PARD3B: variants seen among roughly 807,000 people sequenced by gnomAD.
PARD3B encodes partitioning defective 3 homolog B.
Under a neutral mutation model 130.2 loss-of-function variants are expected in PARD3B, and 103 were observed. The observed-to-expected ratio is 0.79, with a 90% CI of 0.67 to 0.93. PARD3B has a LOEUF of 0.93. PARD3B is among the 40% of genes least tolerant of loss of function. The pLI is 0.00. For missense variants in PARD3B, 1,609 were observed against 1,499.2 expected, an observed-to-expected ratio of 1.07 and a Z score of -1.21; for synonymous variants, 583 against 553.2, an observed-to-expected ratio of 1.05 and a Z score of -0.76.
intron 1 of PARD3B, among the ~76,000 whole-genome samples, chr2:204,627,358 A>C (rs182451736): frequency 4.6e-5 from 7 of 152,308 alleles, no homozygotes; most frequent in Admixed American, 2.0e-4. Context: ...GTTACAGTTC[A>C]ACATTATTTA....
At chr2:205,331,195 C>T (rs910322024) in intron 18 of PARD3B, among the ~76,000 whole-genome samples, 2 of 152,026 alleles carry the variant, frequency 1.3e-5, no homozygotes, top group Admixed American at 1.3e-4. Context: ...CACATACAAA[C>T]ACACACACAG....
intron 15 of PARD3B, among the ~76,000 whole-genome samples, chr2:205,225,408 G>C (rs938522111): frequency 6.6e-6 from 1 of 152,054 alleles, no homozygotes; most frequent in Admixed American, 6.6e-5. Flanking sequence ...TATGTCTTGA[G>C]AAATATCTGT....
intron 2 of PARD3B, among the ~76,000 whole-genome samples, chr2:204,805,462 T>G (rs893259928): frequency 1.3e-5 from 2 of 152,104 alleles, no homozygotes; most frequent in African/African-American, 2.4e-5. Context: ...ACCTGGTGGC[T>G]TCTGTACTGA....
chr2:205,596,137 T>C (rs2054562044), intron 22 of PARD3B, among the ~76,000 whole-genome samples: 1 of 152,126 alleles, frequency 6.6e-6, no homozygotes, highest in African/African-American at 2.4e-5. Flanking sequence ...GATTTGAATG[T>C]AAAAGGTTTG....
At chr2:205,174,011 G>A (rs1363923011) in intron 12 of PARD3B, among the ~76,000 whole-genome samples, 1 of 152,174 alleles carries the variant, frequency 6.6e-6, no homozygotes, top group African/African-American at 2.4e-5. Context: ...AGAAAAAACT[G>A]CTGTAGCATA....
intron 2 of PARD3B, among the ~76,000 whole-genome samples, chr2:204,705,136 A>G (rs2125285153): frequency 6.6e-6 from 1 of 152,336 alleles, no homozygotes; most frequent in East Asian, 1.9e-4. Flanking sequence ...ACTGACACTC[A>G]GCATCTTATT....
At chr2:204,556,809 AT>A (rs1249008029) in intron 1 of PARD3B, among the ~76,000 whole-genome samples, 1 of 152,206 alleles carries the variant, frequency 6.6e-6, no homozygotes, top group Non-Finnish European at 1.5e-5. Flanking sequence ...AAATTGGGGA[AT>A]AAATTACCTA....
At chr2:205,381,186 AAT>A (rs1491404463) in intron 18 of PARD3B, among the ~76,000 whole-genome samples, 4 of 123,160 alleles carry the variant, frequency 3.2e-5, no homozygotes, top group Non-Finnish European at 6.3e-5. Context: ...ATATATAAAG[AAT>A]ATATATTATA....
chr2:205,238,937 C>CATAT (rs57497696), intron 15 of PARD3B, among the ~76,000 whole-genome samples: 4 of 92,776 alleles, frequency 4.3e-5, no homozygotes, highest in South Asian at 3.6e-4. Context: ...TATGTATGTG[C>CATAT]ATATATATAT....
chr2:205,278,516 A>G (rs1258819009), intron 16 of PARD3B, among the ~76,000 whole-genome samples: 4 of 152,198 alleles, frequency 2.6e-5, no homozygotes, highest in African/African-American at 9.7e-5. Context: ...TCTGATAAAG[A>G]GAAATACAGA....
At chr2:204,992,539 T>C (rs1428082468) in intron 3 of PARD3B, among the ~76,000 whole-genome samples, 1 of 147,918 alleles carries the variant, frequency 6.8e-6, no homozygotes, top group Non-Finnish European at 1.5e-5. Context: ...TCTTTTGGCT[T>C]AGGATTGCCT....
intron 2 of PARD3B, among the ~76,000 whole-genome samples, chr2:204,871,090 G>T (rs1250404776): frequency 6.6e-6 from 1 of 152,112 alleles, no homozygotes; most frequent in Non-Finnish European, 1.5e-5. Context: ...AATGCAGTTT[G>T]CAGTAATGAC....
chr2:205,040,262 A>AT (rs1449241069), intron 3 of PARD3B, among the ~76,000 whole-genome samples: 4 of 152,128 alleles, frequency 2.6e-5, no homozygotes, highest in Non-Finnish European at 1.5e-5. Flanking sequence ...ACGCCCGGCT[A>AT]CTTCAGTACT....
chr2:204,621,992 G>A (rs958912514), intron 1 of PARD3B, among the ~76,000 whole-genome samples: 3 of 152,082 alleles, frequency 2.0e-5, no homozygotes, highest in Non-Finnish European at 4.4e-5. Context: ...TCTGACATAG[G>A]TCTAGTATTT....
Position 204,670,703 on chromosome 2 carries a change from T to C in PARD3B, c.121-15478T>C, listed in dbSNP as rs539735134. ...CTAAAATTATTGTTAGGCTATTTGG[T>C]TAAATGCATATTCAGTGTTTTTACT... On this transcript the variant is annotated intron_variant, in intron 1 of 22. Coordinates refer to ENST00000406610, the MANE Select transcript of PARD3B (RefSeq NM_001302769.2). Among the ~76,000 whole-genome samples the C allele has an allele frequency of 3.3e-5, 5 of 152,300 alleles. No individual in the cohort carries two copies. The East Asian group carries it at 7.7e-4, about 24-fold the overall frequency.
chr2:205,400,467 C>T (rs138061445), intron 18 of PARD3B, among the ~76,000 whole-genome samples: 1 of 152,018 alleles, frequency 6.6e-6, no homozygotes, highest in East Asian at 1.9e-4. Flanking sequence ...GTGGTGAAAC[C>T]CCGTCTCTAC....
rs2052619381 is a variant in PARD3B at position 205,550,984 on chromosome 2, C to CATATATAT, written c.3181-2339_3181-2338insTATATATA. 1.0e-5 allele frequency among the ~76,000 whole-genome samples: 1 copy of CATATATAT among 98,118 alleles called. No homozygotes were observed. The highest frequency in any genetic ancestry group is 3.6e-5 in the African/African-American group (1 of 27,736). 64.4% of individuals were successfully genotyped at this position (98,118 alleles called of 152,430 possible). ...ATATATATATATATATATACACACA[C>CATATATAT]ACACACACACACACACACATAATCT... On this transcript the variant is annotated intron_variant, in intron 21 of 22. Transcript: ENST00000406610. This position sits in a 1 kb window ranked among gnomAD's most constrained non-coding sequence, Gnocchi z 4.5.
At chr2:205,581,951 G>C (rs1339470285) in intron 22 of PARD3B, among the ~76,000 whole-genome samples, 1 of 152,148 alleles carries the variant, frequency 6.6e-6, no homozygotes, top group African/African-American at 2.4e-5. Context: ...CCCAGATGGG[G>C]AGCCTGGTCC....
chr2:204,569,761 A>G (rs2031881494), intron 1 of PARD3B, among the ~76,000 whole-genome samples: 1 of 152,218 alleles, frequency 6.6e-6, no homozygotes, highest in Admixed American at 6.5e-5. Flanking sequence ...GATGAAAACC[A>G]GTTGGAGAAG....
Sources: gnomAD v4.1 joint callset for allele counts (sites outside exome capture counted in the v4.1 genomes callset) on GRCh38, gnomAD v4.1.1 for gene constraint, Gnocchi (gnomAD v3.1) non-coding constraint, MANE v1.5 for transcripts, NCBI Gene and HGNC (gene_info 2026-07-23, HGNC 2026-07-21) for gene names.